The following ZNF366 variants were observed in gnomAD, a reference collection of about 807,000 sequenced individuals.
ZNF366 encodes dendritic cell-specific transcript protein.
In ZNF366, 20 loss-of-function variants were observed where a neutral mutation model predicts 47.2. The observed-to-expected ratio is 0.42, with a 90% CI of 0.30 to 0.62. The LOEUF (loss-of-function observed/expected upper bound fraction) is 0.62. ZNF366 is among the 20% of genes least tolerant of loss of function. The pLI, the probability that ZNF366 is intolerant of heterozygous loss-of-function variation, is 0.16. For missense variants in ZNF366, 987 were observed against 976.3 expected, an observed-to-expected ratio of 1.01 and a Z score of -0.15; for synonymous variants, 421 against 395.1, an observed-to-expected ratio of 1.07 and a Z score of -0.78.
At position 72,440,237 on chromosome 5, in the gene ZNF366, C is replaced by T. The variant is rs762246598; in HGVS notation, c.*3519G>A. 8.5e-5 allele frequency: 13 copies of T among 152,176 alleles called. No homozygotes were observed. Among genetic ancestry groups the T allele is most frequent in the Non-Finnish European group, 1.8e-4 (12 of 68,036 alleles). The allele number at this position is 152,176 out of a possible 1,614,324, so 9.4% of individuals were successfully genotyped here. A position where few individuals can be genotyped will look rare whatever the true frequency, so the allele number is the denominator to read the frequency against. On this transcript the variant is annotated 3_prime_UTR_variant, in exon 5 of 5. Transcript: ENST00000318442. The stretch of plus-strand genomic sequence containing the variant: ...AGTATGCACATTGAGCTTTCTCATG[C>T]AACTACTCATATACAAATATACCAG...
rs575978954 is a variant in ZNF366 at position 72,454,213 on chromosome 5, T to C, written c.1524+2191A>G. ...TGAGCATCCAACATCTTTTGGACCATGTACATGCACCATCATTGGAGTGGA... is the reference window on the plus strand; with the variant it reads ...TGAGCATCCAACATCTTTTGGACCACGTACATGCACCATCATTGGAGTGGA... On this transcript the variant is annotated intron_variant, in intron 3 of 4. Transcript: ENST00000318442. Among the ~76,000 whole-genome samples, 5 of 152,300 alleles carry C rather than the reference T, an allele frequency of 3.3e-5. 1 individual carries two copies. In the South Asian group the frequency reaches 8.3e-4, roughly 25 times the overall value.
At chr5:72,481,527 G>A (rs1345612) in intron 1 of ZNF366, among the ~76,000 whole-genome samples, 6,513 of 152,176 alleles carry the variant, frequency 0.043, 333 homozygotes, top group African/African-American at 0.12. Context: ...CATTTCCTTA[G>A]ATTAGATTCT....
intron 1 of ZNF366, among the ~76,000 whole-genome samples, chr5:72,491,683 G>C (rs569699564): frequency 6.6e-6 from 1 of 152,192 alleles, no homozygotes; most frequent in Admixed American, 6.5e-5. Context: ...AATTATACTA[G>C]TATTTGGTTT....
At chr5:72,479,282 G>C (rs1362292576) in intron 1 of ZNF366, among the ~76,000 whole-genome samples, 3 of 152,086 alleles carry the variant, frequency 2.0e-5, no homozygotes, top group Non-Finnish European at 2.9e-5. Context: ...ACAAATCCTG[G>C]CTTGGCGTTG....
intron 1 of ZNF366, among the ~76,000 whole-genome samples, chr5:72,484,173 T>C (rs1454644897): frequency 6.6e-6 from 1 of 152,158 alleles, no homozygotes; most frequent in Non-Finnish European, 1.5e-5. Flanking sequence ...CAATAGTATA[T>C]TATACCTAAA....
chr5:72,468,137 T>C (rs16898980), intron 1 of ZNF366, among the ~76,000 whole-genome samples: 4,380 of 152,342 alleles, frequency 0.029, 210 homozygotes, highest in African/African-American at 0.1. Context: ...TGGCAAGTGA[T>C]GACTCAGTCT....
At chr5:72,483,674 C>G (rs1743832070) in intron 1 of ZNF366, among the ~76,000 whole-genome samples, 1 of 152,150 alleles carries the variant, frequency 6.6e-6, no homozygotes, top group Non-Finnish European at 1.5e-5. Flanking sequence ...GGGGAGACAG[C>G]CTTTCACTTC....
At chr5:72,483,239 A>G (rs1023296185) in intron 1 of ZNF366, among the ~76,000 whole-genome samples, 2 of 152,190 alleles carry the variant, frequency 1.3e-5, no homozygotes, top group African/African-American at 4.8e-5. Context: ...TGTCTTGGGT[A>G]GTAACTCAGA....
chr5:72,475,650 G>C (rs1743658184), intron 1 of ZNF366, among the ~76,000 whole-genome samples: 1 of 152,196 alleles, frequency 6.6e-6, no homozygotes, highest in African/African-American at 2.4e-5. Context: ...TTCAATAGAT[G>C]ATGCTGATAA....
chr5:72,444,428 G>T, intron 4 of ZNF366, 137 bp from the exon 5 acceptor site: 1 of 1,023,414 alleles, frequency 9.8e-7, no homozygotes, highest in Non-Finnish European at 1.4e-6. Context: ...GTAAGGATGT[G>T]GTCTTGGGAG....
intron 1 of ZNF366, among the ~76,000 whole-genome samples, chr5:72,506,956 C>T (rs946608613): frequency 3.9e-5 from 6 of 152,174 alleles, no homozygotes; most frequent in Admixed American, 6.5e-5. Context: ...ACATCTCACA[C>T]GCCAGTGGCT....
chr5:72,474,675 C>G (rs1482759001), intron 1 of ZNF366, among the ~76,000 whole-genome samples: 1 of 151,888 alleles, frequency 6.6e-6, no homozygotes, highest in Non-Finnish European at 1.5e-5. Context: ...CACACACACA[C>G]AGACACACAC....
At chr5:72,449,788 C>T (rs914731257) in intron 3 of ZNF366, among the ~76,000 whole-genome samples, 6 of 152,098 alleles carry the variant, frequency 3.9e-5, no homozygotes, top group Non-Finnish European at 5.9e-5. Flanking sequence ...CATCATAGTT[C>T]CTCAGTAAGC....
Position 72,444,196 on chromosome 5 carries a change from C to T in ZNF366, c.1795G>A (p.Ala599Thr). ...EPFDLSQKRR[A>T]KVPVFQSDGE... ...TCTGACTGGAACACCGGCACCTTGG[C>T]CCGGCGCTTCTGAGAGAGGTCAAAG... Residue 599 changes from alanine to threonine, a missense_variant, in exon 5 of 5, where the codon GCC (alanine) becomes ACC (threonine). Transcript: ENST00000318442. 1.9e-6 allele frequency: 3 copies of T among 1,613,464 alleles called. No individual in the cohort carries two copies. Among genetic ancestry groups the T allele is most frequent in the Non-Finnish European group, 1.7e-6 (2 of 1,180,040 alleles).
chr5:72,453,786 CT>C (rs1743126343), intron 3 of ZNF366, among the ~76,000 whole-genome samples: 1 of 152,230 alleles, frequency 6.6e-6, no homozygotes, highest in Non-Finnish European at 1.5e-5. Context: ...TGAGCACTGT[CT>C]CAGAGACAGA....
rs1475832648 is a variant in ZNF366, at chr5:72,461,206, G to T, written c.291C>A (p.Leu97=). The change falls in exon 2 of 5, where the codon CTC becomes CTA. Residue 97 remains leucine (L), a synonymous_variant. Transcript: ENST00000318442. ...PYNHPAEEVT[L]ALHSEENKNH... is the part of the protein sequence containing the mutation. ...TTTTGTTCTCCTCTGAGTGGAGGGC[G>T]AGGGTGACTTCTTCTGCAGGGTGGT... is the stretch of plus-strand genomic sequence containing the variant. The T allele has an allele frequency of 2.5e-6, 4 of 1,614,156 alleles. No homozygotes were observed. The highest frequency in any genetic ancestry group is 1.3e-5 in the African/African-American group (1 of 75,034).
At chr5:72,503,421 C>T (rs1030646990) in intron 1 of ZNF366, among the ~76,000 whole-genome samples, 1 of 152,080 alleles carries the variant, frequency 6.6e-6, no homozygotes, top group Admixed American at 6.6e-5. Flanking sequence ...AAGACACTGA[C>T]CATCTGTTTT....
chr5:72,472,789 C>T (rs1266246983), intron 1 of ZNF366, among the ~76,000 whole-genome samples: 5 of 152,064 alleles, frequency 3.3e-5, no homozygotes, highest in African/African-American at 7.3e-5. Context: ...TAAAGTCCTT[C>T]CCCGGGGCCC....
intron 1 of ZNF366, among the ~76,000 whole-genome samples, chr5:72,467,629 C>T (rs35354393): frequency 0.04 from 6,044 of 152,292 alleles, 182 homozygotes; most frequent in Non-Finnish European, 0.061. Context: ...AGGGGCAAAT[C>T]TCTTTATCTC....
Sources: gnomAD v4.1 joint callset for allele counts (sites outside exome capture counted in the v4.1 genomes callset) on GRCh38, gnomAD v4.1.1 for gene constraint, MANE v1.5 for transcripts, NCBI Gene and HGNC (gene_info 2026-07-23, HGNC 2026-07-21) for gene names.